The following MEGF6 variants were observed in gnomAD, a reference collection of about 807,000 sequenced individuals.
MEGF6 encodes the protein multiple EGF like domains 6.
Under a neutral mutation model 207.1 loss-of-function variants are expected in MEGF6, and 184 were observed. That is an observed-to-expected ratio of 0.89 (90% CI 0.79 to 1.00). MEGF6 has a LOEUF of 1.00. Ranked by LOEUF, MEGF6 falls within the 50% of genes least tolerant of loss-of-function variation. MEGF6 has a pLI of 0.00. For missense variants in MEGF6, 2,282 were observed against 2,202.9 expected, an observed-to-expected ratio of 1.04 and a Z score of -0.72; for synonymous variants, 1,038 against 910.0, an observed-to-expected ratio of 1.14 and a Z score of -2.53.
At position 3,583,450 on chromosome 1, in the gene MEGF6, G is replaced by A. The variant is rs61762196; in HGVS notation, c.377-3521C>T. ...ACAACGCACAGCCACCAGACAACGC[G>A]CAGCCACCAGACAACGCGCAGCCAC... On this transcript the variant is annotated intron_variant, in intron 3 of 36. Transcript: ENST00000356575. Among the ~76,000 whole-genome samples, 19 of 3,752 alleles carry A rather than the reference G, an allele frequency of 5.1e-3. 2 individuals carry two copies. The highest frequency in any genetic ancestry group is 0.017 in the Non-Finnish European group (11 of 636). The allele number at this position is 3,752 out of a possible 152,430, so 2.5% of individuals were successfully genotyped here.
rs141829551 is a variant in MEGF6, at chr1:3,587,884, G to A, written c.376+7454C>T. Among the ~76,000 whole-genome samples, 298 of 89,986 alleles carry A rather than the reference G, an allele frequency of 3.3e-3. 17 individuals carry two copies. The East Asian group carries it at 0.055, about 17-fold the overall frequency. 59.0% of individuals were successfully genotyped at this position (89,986 alleles called of 152,430 possible). A position where few individuals can be genotyped will look rare whatever the true frequency, so the allele number is the denominator to read the frequency against. On this transcript the variant is annotated intron_variant, in intron 3 of 36. Transcript: ENST00000356575. ...GGAGGGGACAGGAGTGGCCAGGAGT[G>A]GCCAGGAGGGGGCAGGAGTGGCCAG... is the stretch of plus-strand genomic sequence containing the variant.
intron 4 of MEGF6, among the ~76,000 whole-genome samples, chr1:3,555,556 G>A (rs1296851943): frequency 6.6e-6 from 1 of 152,230 alleles, no homozygotes; most frequent in Non-Finnish European, 1.5e-5. Context: ...CCTGGGGTCT[G>A]GCCTGCGGCC....
Position 3,595,412 on chromosome 1 carries a change from G to A in MEGF6, c.302C>T (p.Thr101Ile), listed in dbSNP as rs540068135. The stretch of plus-strand genomic sequence containing the variant: ...CCTGAGCACGGTCCGGGCCTCCGTG[G>A]TATACACCTGCCTGTAGCCCATGTA... Reference protein sequence around the residue: ...VYYMGYRQVYTTEARTVLRCC... With the variant: ...VYYMGYRQVYITEARTVLRCC... Residue 101 changes from threonine (T) to isoleucine (I), a missense_variant, in exon 3 of 37, where the codon ACC (threonine) becomes ATC (isoleucine). Coordinates refer to ENST00000356575, the MANE Select transcript of MEGF6 (RefSeq NM_001409.4). The A allele has an allele frequency of 3.7e-6, 6 of 1,612,706 alleles. No individual in the cohort carries two copies. Among genetic ancestry groups the A allele is most frequent in the Non-Finnish European group, 5.1e-6 (6 of 1,179,918 alleles).
In MEGF6 at chr1:3,524,188, T is replaced by C; in HGVS notation, c.540A>G (p.Pro180=). Residue 180 remains proline, a synonymous_variant, in exon 5 of 37, where the codon CCA becomes CCG. Coordinates refer to ENST00000356575, the MANE Select transcript of MEGF6 (RefSeq NM_001409.4). ...GGCQHRCVNT[P]GSYLCECKPG... ...GCTTGCACTCACAGAGGTAGGAGCCTGGGGTGTTCACGCACCGGTGCTGGC... is the reference window on the plus strand; with the variant it reads ...GCTTGCACTCACAGAGGTAGGAGCCCGGGGTGTTCACGCACCGGTGCTGGC... The C allele has an allele frequency of 1.2e-6, 2 of 1,613,002 alleles. No homozygotes were observed. Among genetic ancestry groups the C allele is most frequent in the Non-Finnish European group, 1.7e-6 (2 of 1,179,902 alleles).
chr1:3,550,868 G>T (rs992867991), intron 4 of MEGF6, among the ~76,000 whole-genome samples: 12 of 152,258 alleles, frequency 7.9e-5, no homozygotes, highest in African/African-American at 2.9e-4. Context: ...AGTGTCCCCC[G>T]TGTGCTAGTC....
intron 4 of MEGF6, among the ~76,000 whole-genome samples, chr1:3,538,193 G>A (rs1304692666): frequency 6.6e-6 from 1 of 152,210 alleles, no homozygotes; most frequent in African/African-American, 2.4e-5. Flanking sequence ...AGAGCAGGAG[G>A]TCCATTTGTG....
At position 3,507,907 on chromosome 1, in the gene MEGF6, G is replaced by A. The variant is rs1305432820; in HGVS notation, c.1677C>T (p.Thr559=). 2.5e-6 allele frequency: 4 copies of A among 1,611,824 alleles called. No homozygotes were observed. The African/African-American group carries it at 4.0e-5, about 16-fold the overall frequency. ...AGGAGAAGCTGCAGTTCTTCCCAAA[G>A]GTGTCCGGAGGACAAGCTACAAAGA... The part of the protein sequence containing the change: ...LICNETCPPD[T]FGKNCSFSCS... The change falls in exon 14 of 37, where the codon ACC becomes ACT. Residue 559 remains threonine, a synonymous_variant. Transcript: ENST00000356575.
chr1:3,598,320 G>A (rs1219867156), intron 2 of MEGF6, among the ~76,000 whole-genome samples: 4 of 151,944 alleles, frequency 2.6e-5, no homozygotes, highest in South Asian at 2.1e-4. Flanking sequence ...GCCGGCCGGC[G>A]GGCGGGCCGC....
chr1:3,544,113 C>G lies in MEGF6; in HGVS notation c.482-19867G>C, dbSNP rs560102095. Among the ~76,000 whole-genome samples the G allele has an allele frequency of 8.5e-5, 13 of 152,174 alleles. No homozygotes were observed. The South Asian group carries it at 2.1e-3, about 24-fold the overall frequency. ...TCTGTCTTCCGGGGCCTGACACACA[C>G]CTGCCAGGGACCCCATTACAGGGCC... On this transcript the variant is annotated intron_variant, in intron 4 of 36. Transcript: ENST00000356575.
upstream of MEGF6, among the ~76,000 whole-genome samples, chr1:3,612,833 A>G (rs370800597): frequency 1.3e-5 from 2 of 152,248 alleles, no homozygotes; most frequent in African/African-American, 2.4e-5. Context: ...CTGTGCCTCC[A>G]CACCACCTGG....
At chr1:3,492,183 CCTG>C (rs922232813) in intron 35 of MEGF6, among the ~76,000 whole-genome samples, 7 of 152,126 alleles carry the variant, frequency 4.6e-5, no homozygotes, top group African/African-American at 1.7e-4. Flanking sequence ...GCACACACAC[CCTG>C]CTGTACGCAC....
At position 3,509,748 on chromosome 1, in the gene MEGF6, C is replaced by T. The variant is rs1386755864; in HGVS notation, c.1357+122G>A. The T allele has an allele frequency of 2.9e-6, 4 of 1,359,348 alleles. No homozygotes were observed. In the African/African-American group the frequency reaches 4.4e-5, roughly 15 times the overall value. The allele number at this position is 1,359,348 out of a possible 1,614,324, so 84.2% of individuals were successfully genotyped here. On this transcript the variant is annotated intron_variant, in intron 11 of 36. Coordinates refer to ENST00000356575, the MANE Select transcript of MEGF6 (RefSeq NM_001409.4). ...TCTGAGGTGTGTTGGCCCAGAGAGG[C>T]CAGGGGGCAAAGGACCCCAGGCAGG...
At chr1:3,534,870 C>G (rs1291943820) in intron 4 of MEGF6, among the ~76,000 whole-genome samples, 1 of 152,144 alleles carries the variant, frequency 6.6e-6, no homozygotes, top group African/African-American at 2.4e-5. Context: ...CTGGGGGCCA[C>G]CACTCCAGCC....
rs1042703556 is a variant in MEGF6, at chr1:3,560,097, T to C, written c.481+19728A>G. Among the ~76,000 whole-genome samples the C allele has an allele frequency of 1.3e-5, 2 of 148,870 alleles. No individual in the cohort carries two copies. Among genetic ancestry groups the C allele is most frequent in the African/African-American group, 4.9e-5 (2 of 40,802 alleles). On this transcript the variant is annotated intron_variant, in intron 4 of 36. Transcript: ENST00000356575. This position sits in a 1 kb window ranked among gnomAD's most constrained non-coding sequence, Gnocchi z 4.0. Reference sequence around the variant, plus strand: ...GGTGCTCTCAGGGCAGGAGAGGGCCTGGCAAGGTTAGTCCCAGAGGGCAAA... The same window carrying C: ...GGTGCTCTCAGGGCAGGAGAGGGCCCGGCAAGGTTAGTCCCAGAGGGCAAA...
intron 14 of MEGF6, among the ~76,000 whole-genome samples, chr1:3,506,574 T>A (rs569862930): frequency 6.6e-6 from 1 of 152,126 alleles, no homozygotes; most frequent in Non-Finnish European, 1.5e-5. Context: ...CTAAGCTTGA[T>A]CTCAGAGCCT....
chr1:3,543,057 C>A (rs1313492295), intron 4 of MEGF6, among the ~76,000 whole-genome samples: 2 of 152,224 alleles, frequency 1.3e-5, no homozygotes, highest in African/African-American at 4.8e-5. Flanking sequence ...CACCCAGCCT[C>A]CCCTGGGAGA....
intron 1 of MEGF6, among the ~76,000 whole-genome samples, chr1:3,608,643 A>T (rs1644285357): frequency 1.3e-5 from 2 of 151,860 alleles, no homozygotes; most frequent in South Asian, 4.2e-4. Flanking sequence ...CGAAGCAGAC[A>T]CTCCTCTCTG....
At chr1:3,552,700 A>C (rs1642923826) in intron 4 of MEGF6, among the ~76,000 whole-genome samples, 2 of 152,166 alleles carry the variant, frequency 1.3e-5, no homozygotes, top group South Asian at 4.1e-4. Context: ...TCTGTCTCTA[A>C]AAAAAGAAAA....
At chr1:3,543,305 G>A (rs926603036) in intron 4 of MEGF6, among the ~76,000 whole-genome samples, 3 of 152,240 alleles carry the variant, frequency 2.0e-5, no homozygotes, top group Non-Finnish European at 4.4e-5. Flanking sequence ...GGGTCCCCAG[G>A]CCCTGCGGGT....
Sources: allele counts gnomAD v4.1 joint callset (sites outside exome capture counted in the v4.1 genomes callset), GRCh38; gene constraint gnomAD v4.1.1; non-coding constraint Gnocchi (gnomAD v3.1); transcripts MANE v1.5; gene names NCBI Gene and HGNC (gene_info 2026-07-23, HGNC 2026-07-21).